Variants in ZNF782 observed in about 807,000 individuals in gnomAD.
ZNF782 encodes zinc finger protein 782.
ZNF782 carries 12 observed loss-of-function variants against 13.0 expected under a neutral mutation model. The ratio of observed to expected loss-of-function variants is 0.92; its 90% CI spans 0.59 to 1.50. The LOEUF (loss-of-function observed/expected upper bound fraction) is 1.50, where lower values mean the gene tolerates loss of function less well. ZNF782 is among the 40% of genes most tolerant of loss of function. The pLI is 0.00. For missense variants in ZNF782, 770 were observed against 822.9 expected (o/e 0.94, Z 0.79); for synonymous variants, 284 against 283.0 (o/e 1.00, Z -0.04).
the ZNF782 span, among the ~76,000 whole-genome samples, chr9:96,913,479 T>C: frequency 6.6e-6 from 1 of 151,910 alleles, no homozygotes; most frequent in African/African-American, 2.4e-5. Flanking sequence ...TCTATCTTCC[T>C]AGCTTGACAA....
At chr9:96,931,898 G>T in the ZNF782 span, 1 of 1,612,268 alleles carries the variant, frequency 6.2e-7, no homozygotes, top group Non-Finnish European at 8.5e-7. Context: ...CACCCCTCTA[G>T]TGGCAGGACA....
At chr9:96,910,854 T>G in the ZNF782 span, among the ~76,000 whole-genome samples, 1 of 150,068 alleles carries the variant, frequency 6.7e-6, no homozygotes, top group Non-Finnish European at 1.5e-5. Flanking sequence ...GCCAGTATGG[T>G]CTCGATCTCC....
rs1389560833 is a variant in ZNF782, at chr9:96,818,433, C to T, written c.1590G>A (p.Gly530=). ...ACTGATTACATTTGTAGGGCTTCTC[C>T]CCTGTGTGTGTTCTATGATGTTTCC... is the stretch of plus-strand genomic sequence containing the variant. The part of the protein sequence containing the change: ...GLRKHHRTHT[G]EKPYKCNQCG... The change falls in exon 6 of 6, where the codon GGG becomes GGA. Residue 530 remains glycine (G), a synonymous_variant. Coordinates refer to ENST00000481138, the MANE Select transcript of ZNF782 (RefSeq NM_001001662.3). The T allele has an allele frequency of 7.4e-6, 12 of 1,614,134 alleles. No individual in the cohort carries two copies. Among genetic ancestry groups the T allele is most frequent in the Non-Finnish European group, 1.0e-5 (12 of 1,180,024 alleles).
At position 96,818,617 on chromosome 9, in the gene ZNF782, T is replaced by C; in HGVS notation, c.1406A>G (p.Gln469Arg). 1.2e-6 allele frequency: 2 copies of C among 1,614,086 alleles called. No homozygotes were observed. Among genetic ancestry groups the C allele is most frequent in the East Asian group, 4.5e-5 (2 of 44,890 alleles). ...FNYKSILIVH[Q>R]RTHTGEKPFE... ...AGGTTTCTCCCCTGTGTGAGTTCTC[T>C]GATGCACTATGAGGATTGACTTATA... The change falls in exon 6 of 6, where the codon CAG becomes CGG. Residue 469 changes from glutamine to arginine, a missense_variant. Physicochemically the swap from Gln to Arg is conservative, Grantham distance 43 (BLOSUM62 1). Coordinates refer to ENST00000481138, the MANE Select transcript of ZNF782 (RefSeq NM_001001662.3).
the ZNF782 span, among the ~76,000 whole-genome samples, chr9:96,884,670 G>A: frequency 2.0e-5 from 3 of 152,182 alleles, no homozygotes; most frequent in Non-Finnish European, 4.4e-5. Context: ...GAAGATGACT[G>A]TGGGATGAAG....
the ZNF782 span, among the ~76,000 whole-genome samples, chr9:96,907,930 C>T: frequency 5.3e-5 from 8 of 151,750 alleles, no homozygotes; most frequent in East Asian, 3.9e-4. Context: ...TGTGAGCCAC[C>T]GTGCCCGGCC....
chr9:96,873,332 T>G (rs1221018995), intron 1 of ZNF782, among the ~76,000 whole-genome samples: 1 of 152,202 alleles, frequency 6.6e-6, no homozygotes, highest in Non-Finnish European at 1.5e-5. Context: ...GTAGAGATCC[T>G]GACATACATG....
the ZNF782 span, among the ~76,000 whole-genome samples, chr9:96,897,066 G>A: frequency 6.6e-6 from 1 of 152,168 alleles, no homozygotes; most frequent in Non-Finnish European, 1.5e-5. Context: ...GTGCAGAACA[G>A]CACTCCAACA....
chr9:96,932,968 CTTTT>C, the ZNF782 span, among the ~76,000 whole-genome samples: 8 of 147,226 alleles, frequency 5.4e-5, no homozygotes, highest in African/African-American at 2.0e-4. Flanking sequence ...ACTTTCTTTT[CTTTT>C]CTTTTCTTTT....
At chr9:96,887,622 G>T in the ZNF782 span, 1 of 152,146 alleles carries the variant, frequency 6.6e-6, no homozygotes, top group Non-Finnish European at 1.5e-5. Flanking sequence ...ATTCCTCAGG[G>T]ATCTAGAACT....
At chr9:96,860,012 G>A (rs996661908) in intron 3 of ZNF782, among the ~76,000 whole-genome samples, 3 of 152,150 alleles carry the variant, frequency 2.0e-5, no homozygotes, top group East Asian at 1.9e-4. Context: ...TGATGACGTC[G>A]TAGGTGGGAA....
chr9:96,831,568 C>T (rs758295960), intron 4 of ZNF782, among the ~76,000 whole-genome samples: 3 of 151,968 alleles, frequency 2.0e-5, no homozygotes, highest in Non-Finnish European at 2.9e-5. Context: ...AAAAAATTAG[C>T]TGGACATGGT....
At chr9:96,918,838 C>T in the ZNF782 span, 2 of 171,290 alleles carry the variant, frequency 1.2e-5, 1 homozygote, top group Admixed American at 1.3e-4. Flanking sequence ...TGTATTGAGA[C>T]AAAGGAAAGG....
the ZNF782 span, chr9:96,892,858 G>T: frequency 6.7e-6 from 1 of 149,046 alleles, no homozygotes; most frequent in Non-Finnish European, 1.5e-5. Flanking sequence ...TTTAACAATT[G>T]TACTAAATTA....
At position 96,818,300 on chromosome 9, in the gene ZNF782, AT is replaced by A; in HGVS notation, c.1722del (p.Lys574AsnfsTer60). 6.2e-7 allele frequency: 1 copy of A among 1,614,028 alleles called. No homozygotes were observed. The highest frequency in any genetic ancestry group is 1.1e-5 in the South Asian group (1 of 91,080). The part of the protein sequence containing the change: ...CNHCGEAFSQ[K>X]SNLRVHHRTH... ...GTTCTGTGATGTACTCTGAGGTTTG[AT>A]TTCTGACTGAAAGCTTCCCCACAAT... On this transcript the variant is annotated frameshift_variant, in exon 6 of 6. Transcript: ENST00000481138. LOFTEE classifies it low-confidence loss of function (END_TRUNC).
the ZNF782 span, among the ~76,000 whole-genome samples, chr9:96,918,130 G>A: frequency 1.3e-5 from 2 of 151,240 alleles, no homozygotes; most frequent in Admixed American, 6.6e-5. Context: ...GGCCAGGTGC[G>A]GTGGCTCACG....
chr9:96,880,361 A>C (rs1851947776), upstream of ZNF782, among the ~76,000 whole-genome samples: 2 of 152,160 alleles, frequency 1.3e-5, no homozygotes, highest in Non-Finnish European at 2.9e-5. Context: ...CTTGGTCCTG[A>C]TTTTAGGGGA....
the ZNF782 span, chr9:96,887,448 C>T: frequency 6.6e-6 from 1 of 152,144 alleles, no homozygotes; most frequent in South Asian, 2.1e-4. Context: ...GGTCTACGTA[C>T]AGTAATTAAA....
intron 4 of ZNF782, among the ~76,000 whole-genome samples, chr9:96,842,441 C>G (rs1314234849): frequency 6.6e-6 from 1 of 151,928 alleles, no homozygotes; most frequent in South Asian, 2.1e-4. Context: ...GTACAGCCAA[C>G]TGATTTTTGA....
Sources: gnomAD v4.1 joint callset for allele counts (sites outside exome capture counted in the v4.1 genomes callset) on GRCh38, gnomAD v4.1.1 for gene constraint, MANE v1.5 for transcripts, NCBI Gene and HGNC (gene_info 2026-07-23, HGNC 2026-07-21) for gene names.